Variants in TRPM7 observed in about 807,000 individuals in gnomAD.
TRPM7 encodes the protein LTRPC ion channel family member 7.
TRPM7 carries 134 observed loss-of-function variants against 229.7 expected under a neutral mutation model. The observed-to-expected ratio is 0.58, with a 90% CI of 0.51 to 0.67. The LOEUF (loss-of-function observed/expected upper bound fraction) is 0.67. TRPM7 is among the 30% of genes least tolerant of loss of function. TRPM7 has a pLI of 0.00. For missense variants in TRPM7, 1,901 were observed against 2,210.0 expected, an observed-to-expected ratio of 0.86 and a Z score of 2.80; for synonymous variants, 699 against 715.2, an observed-to-expected ratio of 0.98 and a Z score of 0.36.
At chr15:50,586,006 CAG>C (rs3077869) in intron 28 of TRPM7, among the ~76,000 whole-genome samples, 27,702 of 151,982 alleles carry the variant, frequency 0.18, 3,248 homozygotes, top group East Asian at 0.46. Flanking sequence ...AGAAAATTTT[CAG>C]AGTGTGTGTA....
At chr15:50,684,655 A>G (rs1596361142) in intron 1 of TRPM7, among the ~76,000 whole-genome samples, 1 of 152,122 alleles carries the variant, frequency 6.6e-6, no homozygotes, top group South Asian at 2.1e-4. Flanking sequence ...AAAAGAAAAA[A>G]GAAAAAAAAA....
chr15:50,593,286 T>A (rs2059551809), intron 25 of TRPM7, among the ~76,000 whole-genome samples: 1 of 151,466 alleles, frequency 6.6e-6, no homozygotes, highest in Non-Finnish European at 1.5e-5. Context: ...AGACTCTGTC[T>A]CAAAAAAATA....
chr15:50,616,889 T>C (rs2060236085), intron 13 of TRPM7, among the ~76,000 whole-genome samples: 1 of 152,068 alleles, frequency 6.6e-6, no homozygotes, highest in Non-Finnish European at 1.5e-5. Context: ...CTATTTTGGC[T>C]AGGCTGTTCT....
At chr15:50,633,074 A>G (rs558309230) in intron 8 of TRPM7, 82 bp from the exon 9 acceptor site, 1 of 1,265,916 alleles carries the variant, frequency 7.9e-7, no homozygotes, top group South Asian at 2.0e-5. Flanking sequence ...AGATCCATGT[A>G]AGACCTTTGA....
Position 50,585,077 on chromosome 15 carries a change from C to T in TRPM7, c.4486+1315G>A, listed in dbSNP as rs377415450. ...TTTTTTTTTTTTTTTTTTTTTGAGACGGAGTCTCGCTCTGTCGCCCAGGCC... is the reference window on the plus strand; with the variant it reads ...TTTTTTTTTTTTTTTTTTTTTGAGATGGAGTCTCGCTCTGTCGCCCAGGCC... On this transcript the variant is annotated intron_variant, in intron 28 of 38. Transcript: ENST00000646667. Among the ~76,000 whole-genome samples the T allele has an allele frequency of 3.1e-3, 306 of 99,866 alleles. 1 individual carries two copies. The highest frequency in any genetic ancestry group is 0.011 in the African/African-American group (282 of 24,696). The allele number at this position is 99,866 out of a possible 152,430, so 65.5% of individuals were successfully genotyped here.
intron 4 of TRPM7, among the ~76,000 whole-genome samples, chr15:50,646,552 G>C (rs2061270417): frequency 6.6e-6 from 1 of 152,134 alleles, no homozygotes; most frequent in Non-Finnish European, 1.5e-5. Flanking sequence ...CAAAAGTGCT[G>C]AGATTACAGG....
rs1205235752 is a variant in TRPM7 at position 50,558,010 on chromosome 15, T to TA, written c.*3667dup. 1 of 152,122 alleles carries TA rather than the reference T, an allele frequency of 6.6e-6. No homozygotes were observed. The highest frequency in any genetic ancestry group is 1.5e-5 in the Non-Finnish European group (1 of 68,018). The allele number at this position is 152,122 out of a possible 1,614,324, so 9.4% of individuals were successfully genotyped here. On this transcript the variant is annotated 3_prime_UTR_variant, in exon 39 of 39. Transcript: ENST00000646667. ...CTCTTCAGTAAGATGAGGTTGAGAA[T>TA]AAAAAATTAAAAAGATTAAGCAAAT...
intron 3 of TRPM7, 31 bp downstream of exon 3, chr15:50,657,750 A>T: frequency 2.5e-6 from 4 of 1,600,376 alleles, no homozygotes; most frequent in Non-Finnish European, 3.4e-6. Context: ...TATTTTCCGA[A>T]ATTTGTGCGG....
intron 1 of TRPM7, among the ~76,000 whole-genome samples, chr15:50,684,881 AACTG>A (rs2062323143): frequency 1.3e-5 from 2 of 152,334 alleles, no homozygotes; most frequent in South Asian, 4.1e-4. Context: ...CTAACAAATC[AACTG>A]ACTAAAACAT....
chr15:50,592,788 G>GT (rs1283371403), intron 25 of TRPM7, among the ~76,000 whole-genome samples, 162 bp from the exon 26 acceptor site: 1 of 152,178 alleles, frequency 6.6e-6, no homozygotes, highest in Non-Finnish European at 1.5e-5. Context: ...CCTACCTTAT[G>GT]TTTAAGAAGG....
chr15:50,561,991 T>C (rs1369113328), intron 38 of TRPM7, among the ~76,000 whole-genome samples, 183 bp from the exon 39 acceptor site: 1 of 151,916 alleles, frequency 6.6e-6, no homozygotes, highest in Non-Finnish European at 1.5e-5. Context: ...ACCTCCCGGG[T>C]TCAAGCGATT....
chr15:50,686,756 G>A lies in TRPM7; in HGVS notation c.-223C>T, dbSNP rs979395593. ...ACTCCTCCGGGTGACTGGCCACAGGGACGCGCCCGCGCCCGCCTCCGCCGG... is the reference window on the plus strand; with the variant it reads ...ACTCCTCCGGGTGACTGGCCACAGGAACGCGCCCGCGCCCGCCTCCGCCGG... On this transcript the variant is annotated 5_prime_UTR_variant, in exon 1 of 39. Coordinates refer to ENST00000646667, the MANE Select transcript of TRPM7 (RefSeq NM_017672.6). 14 of 521,532 alleles carry A rather than the reference G, an allele frequency of 2.7e-5. No homozygotes were observed. In the South Asian group the frequency reaches 3.6e-4, roughly 14 times the overall value. The allele number at this position is 521,532 out of a possible 1,614,324, so 32.3% of individuals were successfully genotyped here.
At chr15:50,618,932 A>G (rs2060309412) in intron 13 of TRPM7, among the ~76,000 whole-genome samples, 1 of 152,308 alleles carries the variant, frequency 6.6e-6, no homozygotes, top group South Asian at 2.1e-4. Context: ...CACTGCTGCA[A>G]AGGACATGAT....
chr15:50,660,920 T>C (rs577030300), intron 2 of TRPM7, among the ~76,000 whole-genome samples: 2 of 151,802 alleles, frequency 1.3e-5, no homozygotes, highest in African/African-American at 4.8e-5. Flanking sequence ...AATTGACCAA[T>C]AGTAGAACAG....
chr15:50,615,966 T>A (rs909393798), intron 13 of TRPM7, among the ~76,000 whole-genome samples: 10 of 152,278 alleles, frequency 6.6e-5, no homozygotes, highest in African/African-American at 2.4e-4. Context: ...CCTTTAAATC[T>A]CTAATTTGAA....
intron 7 of TRPM7, among the ~76,000 whole-genome samples, chr15:50,636,367 T>G (rs1567054862): frequency 6.6e-6 from 1 of 152,038 alleles, no homozygotes; most frequent in African/African-American, 2.4e-5. Flanking sequence ...ATTTTTGTAT[T>G]TTTAGGAGAG....
At chr15:50,659,925 A>G (rs2061684359) in intron 2 of TRPM7, among the ~76,000 whole-genome samples, 1 of 152,174 alleles carries the variant, frequency 6.6e-6, no homozygotes, top group East Asian at 1.9e-4. Flanking sequence ...ACAGCCTCCC[A>G]AAGTGCTGGG....
In TRPM7 at chr15:50,586,431, C is replaced by T. The variant is rs745780907; in HGVS notation, c.4447G>A (p.Asp1483Asn). The T allele has an allele frequency of 2.4e-5, 38 of 1,613,356 alleles. No individual in the cohort carries two copies. The Admixed American group carries it at 6.3e-4, about 27-fold the overall frequency. Reference protein sequence around the residue: ...KRVSSLAGFTDCHRTSIPVHS... With the variant: ...KRVSSLAGFTNCHRTSIPVHS... ...ACAGGAATGGAAGTTCTGTGACAGT[C>T]AGTAAATCCAGCAAGAGAACTCACT... The change falls in exon 28 of 39, where the codon GAC becomes AAC. Residue 1483 changes from aspartate to asparagine, a missense_variant. By Grantham distance (23) the Asp-to-Asn change is conservative. Coordinates refer to ENST00000646667, the MANE Select transcript of TRPM7 (RefSeq NM_017672.6).
intron 1 of TRPM7, among the ~76,000 whole-genome samples, chr15:50,670,810 G>T: frequency 8.8e-6 from 1 of 113,526 alleles, no homozygotes; most frequent in East Asian, 3.0e-4. Flanking sequence ...AAAAGAAAAA[G>T]AAAAAAAAAA....
Sources: allele counts gnomAD v4.1 joint callset (sites outside exome capture counted in the v4.1 genomes callset), GRCh38; gene constraint gnomAD v4.1.1; transcripts MANE v1.5; gene names NCBI Gene and HGNC (gene_info 2026-07-23, HGNC 2026-07-21).